Variants in GRID1 observed in about 807,000 individuals in gnomAD.
GRID1 encodes the protein glutamate ionotropic receptor delta type subunit 1, also known as glutamate receptor ionotropic, delta-1.
Under a neutral mutation model 98.0 loss-of-function variants are expected in GRID1, and 28 were observed. The ratio of observed to expected loss-of-function variants is 0.29; its 90% confidence interval spans 0.21 to 0.39. The LOEUF is 0.39. Among genes scored for constraint, GRID1 ranks in the 10% least tolerant of loss-of-function variants. GRID1 has a pLI of 1.00. For synonymous variants in GRID1, 553 were observed against 538.5 expected, an observed-to-expected ratio of 1.03 and a Z score of -0.37; for missense variants, 1,111 against 1,340.5, an observed-to-expected ratio of 0.83 and a Z score of 2.67.
chr10:86,311,639 GCTCT>G (rs374644401), intron 2 of GRID1, among the ~76,000 whole-genome samples: 1 of 151,720 alleles, frequency 6.6e-6, no homozygotes, highest in Non-Finnish European at 1.5e-5. Context: ...TTTTTCTCTT[GCTCT>G]CTCTCTCTCC....
chr10:86,281,869 T>G (rs955661004), intron 2 of GRID1, among the ~76,000 whole-genome samples: 3 of 152,188 alleles, frequency 2.0e-5, no homozygotes, highest in African/African-American at 7.2e-5. Context: ...GACTCCTTCC[T>G]CCAGCCCACA....
At position 85,622,516 on chromosome 10, in the gene GRID1, C is replaced by G. The variant is rs558820016; in HGVS notation, c.2194-2483G>C. On this transcript the variant is annotated intron_variant, in intron 13 of 15. Coordinates refer to ENST00000327946, the MANE Select transcript of GRID1 (RefSeq NM_017551.3). ...TCAGCATCTTGAGTTGCTGGGACTA[C>G]AGGTTCACGCCACTATGCCAGGCTG... Among the ~76,000 whole-genome samples the G allele has an allele frequency of 1.3e-4, 20 of 152,284 alleles. No homozygotes were observed. The South Asian group carries it at 4.1e-3, about 32-fold the overall frequency.
intron 6 of GRID1, among the ~76,000 whole-genome samples, chr10:85,859,346 G>GGGAT (rs548270166): frequency 9.2e-5 from 14 of 151,708 alleles, no homozygotes; most frequent in East Asian, 1.9e-4. Context: ...AATGGATGGA[G>GGGAT]GGATGGATGG....
Position 86,195,750 on chromosome 10 carries a change from G to A in GRID1, c.520+10614C>T, listed in dbSNP as rs926113422. ...GTTACCCACATGGCTGTGTCTGGGCGTGACCCCCACCTTTTGGTTCTAAGT... is the reference window on the plus strand; with the variant it reads ...GTTACCCACATGGCTGTGTCTGGGCATGACCCCCACCTTTTGGTTCTAAGT... On this transcript the variant is annotated intron_variant, in intron 3 of 15. Transcript: ENST00000327946. The surrounding 1 kb of genome is among the most constrained non-coding windows in gnomAD (Gnocchi z 4.4). Among the ~76,000 whole-genome samples the A allele has an allele frequency of 5.9e-5, 9 of 152,094 alleles. No individual in the cohort carries two copies. Among genetic ancestry groups the A allele is most frequent in the African/African-American group, 1.7e-4 (7 of 41,434 alleles).
chr10:85,823,206 T>C (rs72842908), intron 8 of GRID1, among the ~76,000 whole-genome samples: 184 of 152,156 alleles, frequency 1.2e-3, no homozygotes, highest in Non-Finnish European at 1.6e-3. Flanking sequence ...AAAAAAAAAG[T>C]ACATTGTCAA....
chr10:85,700,770 G>C (rs1175962883), intron 12 of GRID1, among the ~76,000 whole-genome samples: 3 of 152,146 alleles, frequency 2.0e-5, no homozygotes, highest in Admixed American at 6.6e-5. Context: ...ATTGCTTAAT[G>C]TAATTGATAA....
intron 8 of GRID1, among the ~76,000 whole-genome samples, chr10:85,734,053 T>C (rs1167908223): frequency 6.6e-6 from 1 of 152,116 alleles, no homozygotes; most frequent in African/African-American, 2.4e-5. Flanking sequence ...AGGGGAGCAA[T>C]TGGAGTCAAA....
chr10:85,692,909 G>A (rs1841349841), intron 12 of GRID1, among the ~76,000 whole-genome samples: 1 of 152,182 alleles, frequency 6.6e-6, no homozygotes, highest in Non-Finnish European at 1.5e-5. Context: ...GCATGTAGCT[G>A]TAAAGGTAAG....
intron 8 of GRID1, among the ~76,000 whole-genome samples, chr10:85,758,801 G>C: frequency 6.6e-6 from 1 of 152,160 alleles, no homozygotes; most frequent in Non-Finnish European, 1.5e-5. Context: ...TATGGCACTT[G>C]TCAAGTTGTG....
chr10:86,098,825 C>A (rs961023369), intron 4 of GRID1, among the ~76,000 whole-genome samples: 1 of 152,194 alleles, frequency 6.6e-6, no homozygotes, highest in African/African-American at 2.4e-5. Context: ...GTTCTTTGCA[C>A]GTTTACCTAC....
intron 8 of GRID1, among the ~76,000 whole-genome samples, chr10:85,783,344 A>G (rs1278553928): frequency 1.3e-5 from 2 of 152,154 alleles, no homozygotes; most frequent in African/African-American, 4.8e-5. Context: ...TGGGCATCTG[A>G]AGGCGCTACT....
chr10:86,359,692 C>T (rs1403325168), intron 2 of GRID1, among the ~76,000 whole-genome samples: 35 of 152,220 alleles, frequency 2.3e-4, no homozygotes, highest in Admixed American at 2.3e-3. Flanking sequence ...TCGTCTTTTA[C>T]TCACAGTAAA....
intron 4 of GRID1, among the ~76,000 whole-genome samples, chr10:85,944,703 T>G (rs1272284183): frequency 6.6e-6 from 1 of 152,052 alleles, no homozygotes; most frequent in Non-Finnish European, 1.5e-5. Context: ...TATCTCTCAA[T>G]AGGAAAATGC....
At position 86,227,050 on chromosome 10, in the gene GRID1, G is replaced by A. The variant is rs78589098; in HGVS notation, c.236-20402C>T. Among the ~76,000 whole-genome samples, 553 of 152,316 alleles carry A rather than the reference G, an allele frequency of 3.6e-3. 3 individuals carry two copies. The highest frequency in any genetic ancestry group is 0.013 in the African/African-American group (529 of 41,568). On this transcript the variant is annotated intron_variant, in intron 2 of 15. Transcript: ENST00000327946. ...CTGAGCTGTGCGCCTGCAGCTGGTGGAAAGGGGAAGCCTCCAAAGCCACAG... is the reference window on the plus strand; with the variant it reads ...CTGAGCTGTGCGCCTGCAGCTGGTGAAAAGGGGAAGCCTCCAAAGCCACAG...
chr10:85,858,161 C>T (rs1337732927), intron 6 of GRID1, among the ~76,000 whole-genome samples: 1 of 152,226 alleles, frequency 6.6e-6, no homozygotes, highest in East Asian at 1.9e-4. Flanking sequence ...TGTCCTGTCC[C>T]CCAGCTCTGA....
At chr10:85,722,308 C>A (rs914402003) in intron 12 of GRID1, among the ~76,000 whole-genome samples, 8 of 152,110 alleles carry the variant, frequency 5.3e-5, no homozygotes, top group African/African-American at 1.9e-4. Context: ...AATATTGTAC[C>A]CAATGAAGTG....
intron 4 of GRID1, among the ~76,000 whole-genome samples, chr10:85,962,341 C>T (rs1333775020): frequency 6.6e-6 from 1 of 152,210 alleles, no homozygotes; most frequent in African/African-American, 2.4e-5. Context: ...CCAATTTCCA[C>T]CTTGCTTCTC....
At chr10:85,794,365 A>G (rs1842506911) in intron 8 of GRID1, among the ~76,000 whole-genome samples, 1 of 152,246 alleles carries the variant, frequency 6.6e-6, no homozygotes, top group African/African-American at 2.4e-5. Flanking sequence ...CATCGGTGCT[A>G]AAGAGAAAAT....
At chr10:86,227,103 A>G (rs1306465109) in intron 2 of GRID1, among the ~76,000 whole-genome samples, 2 of 152,214 alleles carry the variant, frequency 1.3e-5, no homozygotes, top group African/African-American at 2.4e-5. Context: ...TCCCTCTGAT[A>G]TGGGCCTGGG....
Sources: allele counts gnomAD v4.1 joint callset (sites outside exome capture counted in the v4.1 genomes callset), GRCh38; gene constraint gnomAD v4.1.1; non-coding constraint Gnocchi (gnomAD v3.1); transcripts MANE v1.5; gene names NCBI Gene and HGNC (gene_info 2026-07-23, HGNC 2026-07-21).